Variants in DCDC1 observed in about 807,000 individuals in gnomAD.
The protein encoded by DCDC1 is doublecortin domain-containing protein 1.
Under a neutral mutation model 178.3 loss-of-function variants are expected in DCDC1, and 200 were observed. The observed-to-expected ratio is 1.12, with a 90% confidence interval of 1.00 to 1.26. The LOEUF is 1.26. DCDC1 is among the 50% of genes most tolerant of loss of function. DCDC1 has a pLI of 0.00. For missense variants in DCDC1, 1,983 were observed against 1,749.2 expected, an observed-to-expected ratio of 1.13 and a Z score of -2.38; for synonymous variants, 690 against 604.8, an observed-to-expected ratio of 1.14 and a Z score of -2.07.
intron 9 of DCDC1, among the ~76,000 whole-genome samples, chr11:31,139,792 A>G (rs1332908905): frequency 6.6e-6 from 1 of 152,198 alleles, no homozygotes; most frequent in African/African-American, 2.4e-5. Context: ...CTAATATTCA[A>G]CTACTAAAGA....
At chr11:31,174,416 G>C (rs1217923598) in intron 9 of DCDC1, among the ~76,000 whole-genome samples, 1 of 152,212 alleles carries the variant, frequency 6.6e-6, no homozygotes, top group African/African-American at 2.4e-5. Context: ...ACCAGCACAA[G>C]ATGGAGGCCA....
At chr11:31,242,675 T>C (rs2136907854) in intron 8 of DCDC1, among the ~76,000 whole-genome samples, 1 of 152,014 alleles carries the variant, frequency 6.6e-6, no homozygotes, top group South Asian at 2.1e-4. Flanking sequence ...AGTTATGTTA[T>C]ATGTTGCATA....
chr11:30,974,720 A>C (rs1321405983), intron 20 of DCDC1, among the ~76,000 whole-genome samples: 1 of 152,124 alleles, frequency 6.6e-6, no homozygotes, highest in East Asian at 1.9e-4. Flanking sequence ...CAGTAACAAA[A>C]AGTCTTCCGC....
At chr11:31,099,563 G>C (rs1477512598) in intron 15 of DCDC1, among the ~76,000 whole-genome samples, 6 of 152,090 alleles carry the variant, frequency 3.9e-5, no homozygotes. Flanking sequence ...AGTTGTAAGA[G>C]GAACAGCATC....
At chr11:31,262,958 G>T in intron 8 of DCDC1, 1 of 1,378,484 alleles carries the variant, frequency 7.3e-7, no homozygotes, top group South Asian at 1.4e-5. Flanking sequence ...AAAACAGAGG[G>T]CAAGGCATGC....
At chr11:31,085,929 T>C (rs1957447249) in intron 17 of DCDC1, among the ~76,000 whole-genome samples, 4 of 152,142 alleles carry the variant, frequency 2.6e-5, no homozygotes, top group Non-Finnish European at 5.9e-5. Context: ...GGTCTCACTA[T>C]GTTGCCCAGG....
At chr11:31,166,155 G>A (rs899519740) in intron 9 of DCDC1, among the ~76,000 whole-genome samples, 8 of 152,144 alleles carry the variant, frequency 5.3e-5, no homozygotes, top group Non-Finnish European at 8.8e-5. Context: ...TGGGTCTAAC[G>A]TTAATATTTA....
At chr11:30,940,164 G>A (rs544020407) in intron 21 of DCDC1, among the ~76,000 whole-genome samples, 3 of 152,110 alleles carry the variant, frequency 2.0e-5, no homozygotes, top group African/African-American at 4.8e-5. Context: ...CATTTGTCTT[G>A]AATAAACATA....
At chr11:31,142,944 T>A (rs964021607) in intron 9 of DCDC1, among the ~76,000 whole-genome samples, 3 of 152,114 alleles carry the variant, frequency 2.0e-5, no homozygotes, top group African/African-American at 7.2e-5. Flanking sequence ...CTGAACCAAA[T>A]TGATCGCACT....
intron 20 of DCDC1, among the ~76,000 whole-genome samples, chr11:31,001,366 AAT>A (rs1428343000): frequency 6.6e-6 from 1 of 152,140 alleles, no homozygotes; most frequent in Non-Finnish European, 1.5e-5. Flanking sequence ...AAAAAAAAAT[AAT>A]ATGTCCTTCC....
chr11:31,256,255 A>C (rs1944411622), intron 8 of DCDC1, among the ~76,000 whole-genome samples: 1 of 152,186 alleles, frequency 6.6e-6, no homozygotes, highest in Non-Finnish European at 1.5e-5. Context: ...TGAAATTGGG[A>C]AGTGTGAGTT....
chr11:31,235,888 C>T (rs977665466), intron 9 of DCDC1, among the ~76,000 whole-genome samples: 1 of 151,916 alleles, frequency 6.6e-6, no homozygotes, highest in African/African-American at 2.4e-5. Context: ...GCTGAGATGT[C>T]AATAAAGCTC....
chr11:31,112,733 T>C (rs1171451548), intron 11 of DCDC1, among the ~76,000 whole-genome samples: 1 of 152,160 alleles, frequency 6.6e-6, no homozygotes, highest in East Asian at 1.9e-4. Flanking sequence ...CAAGAGAGTG[T>C]TTTTTATGCA....
intron 20 of DCDC1, among the ~76,000 whole-genome samples, chr11:31,040,243 C>A (rs868378470): frequency 3.9e-5 from 6 of 152,290 alleles, no homozygotes; most frequent in African/African-American, 1.4e-4. Context: ...AAATGAAAGT[C>A]ATTTAACTCC....
intron 9 of DCDC1, among the ~76,000 whole-genome samples, chr11:31,139,787 A>G (rs939549156): frequency 6.6e-6 from 1 of 152,196 alleles, no homozygotes; most frequent in Non-Finnish European, 1.5e-5. Flanking sequence ...CCACTCTAAT[A>G]TTCAACTACT....
chr11:31,109,550 G>A (rs1200664309), intron 12 of DCDC1, among the ~76,000 whole-genome samples: 1 of 151,990 alleles, frequency 6.6e-6, no homozygotes, highest in Non-Finnish European at 1.5e-5. Flanking sequence ...CAACTTTTTC[G>A]ATTGGCTGTA....
chr11:31,062,284 C>G (rs1955974044), intron 20 of DCDC1, among the ~76,000 whole-genome samples: 1 of 152,086 alleles, frequency 6.6e-6, no homozygotes, highest in Admixed American at 6.6e-5. Context: ...GCCAAATAAG[C>G]CTAGAGAGGC....
At chr11:31,101,994 T>A (rs985889048) in intron 15 of DCDC1, among the ~76,000 whole-genome samples, 183 bp downstream of exon 15, 1 of 151,812 alleles carries the variant, frequency 6.6e-6, no homozygotes, top group Non-Finnish European at 1.5e-5. Flanking sequence ...GGAGAATCGC[T>A]TGAACCCAGG....
chr11:30,945,750 G>A (rs7934194), intron 21 of DCDC1, among the ~76,000 whole-genome samples: 5,624 of 123,966 alleles, frequency 0.045, 298 homozygotes, highest in African/African-American at 0.23. Flanking sequence ...CTATCTATCT[G>A]TCTGTCTGTC....
Sources: allele counts gnomAD v4.1 joint callset (sites outside exome capture counted in the v4.1 genomes callset), GRCh38; gene constraint gnomAD v4.1.1; transcripts MANE v1.5; gene names NCBI Gene and HGNC (gene_info 2026-07-23, HGNC 2026-07-21).